Variants in BLOC1S5 observed in about 807,000 individuals in gnomAD.
BLOC1S5 encodes biogenesis of lysosomal organelles complex 1 subunit 5.
In BLOC1S5, 27 loss-of-function variants were observed where a neutral mutation model predicts 24.3. That is an observed-to-expected ratio of 1.11 (90% CI 0.82 to 1.53). BLOC1S5 has a LOEUF of 1.53. Among genes scored for constraint, BLOC1S5 ranks in the 40% most tolerant of loss-of-function variants. BLOC1S5 has a pLI of 0.00. For missense variants in BLOC1S5, 239 were observed against 229.4 expected, an observed-to-expected ratio of 1.04 and a Z score of -0.27; for synonymous variants, 84 against 74.5, an observed-to-expected ratio of 1.13 and a Z score of -0.66.
Position 8,015,631 on chromosome 6 carries a change from T to C in BLOC1S5, c.*18A>G, listed in dbSNP as rs752509434. On this transcript the variant is annotated 3_prime_UTR_variant, in exon 5 of 5. Coordinates refer to ENST00000397457, the MANE Select transcript of BLOC1S5 (RefSeq NM_201280.3). ...TGAACATCTTCTCATTAGTTTGTGA[T>C]TGTTGTGGTTCAAGTTCTTAAAAGG... 14 of 1,604,322 alleles carry C rather than the reference T, an allele frequency of 8.7e-6. No individual in the cohort carries two copies. In the African/African-American group the frequency reaches 1.1e-4, roughly 12 times the overall value.
At chr6:8,046,974 G>C (rs1763922004) in intron 2 of BLOC1S5, among the ~76,000 whole-genome samples, 2 of 151,886 alleles carry the variant, frequency 1.3e-5, no homozygotes, top group South Asian at 4.2e-4. Flanking sequence ...TGTAGAGACA[G>C]GCTCTCACTT....
intron 4 of BLOC1S5, among the ~76,000 whole-genome samples, chr6:8,023,648 C>A (rs942447982): frequency 1.3e-5 from 2 of 152,034 alleles, no homozygotes; most frequent in African/African-American, 4.8e-5. Flanking sequence ...ATTACTACTC[C>A]CATCTTTGTT....
At chr6:8,038,445 C>T (rs1022672142) in intron 3 of BLOC1S5, among the ~76,000 whole-genome samples, 1 of 152,020 alleles carries the variant, frequency 6.6e-6, no homozygotes, top group Non-Finnish European at 1.5e-5. Context: ...GCAAATCAGA[C>T]CACAATGAAA....
At chr6:8,039,364 T>C (rs1581414297) in intron 3 of BLOC1S5, among the ~76,000 whole-genome samples, 1 of 152,344 alleles carries the variant, frequency 6.6e-6, no homozygotes, top group East Asian at 1.9e-4. Context: ...AAATAAGACC[T>C]AGTATTTGAT....
At position 8,038,684 on chromosome 6, in the gene BLOC1S5, C is replaced by G. The variant is rs1307059099; in HGVS notation, c.325+2455G>C. The stretch of plus-strand genomic sequence containing the variant: ...TATTTTTAGTAGAGACAGGGTTTCA[C>G]TGTGTTAGCCAGGATGGTCTTGATC... On this transcript the variant is annotated intron_variant, in intron 3 of 4. Coordinates refer to ENST00000397457, the MANE Select transcript of BLOC1S5 (RefSeq NM_201280.3). Among the ~76,000 whole-genome samples the G allele has an allele frequency of 2.6e-5, 4 of 152,204 alleles. No individual in the cohort carries two copies. The East Asian group carries it at 7.7e-4, about 29-fold the overall frequency.
At chr6:8,034,774 G>T (rs983145986) in intron 3 of BLOC1S5, among the ~76,000 whole-genome samples, 1 of 152,068 alleles carries the variant, frequency 6.6e-6, no homozygotes. Context: ...ATTTGATCCA[G>T]CAATCCCACT....
In BLOC1S5 at chr6:8,062,616, T is replaced by G; in HGVS notation, c.113A>C (p.Asp38Ala). 1.3e-6 allele frequency: 2 copies of G among 1,583,466 alleles called. No individual in the cohort carries two copies. The highest frequency in any genetic ancestry group is 1.7e-6 in the Non-Finnish European group (2 of 1,157,984). ...AAGCCTTGAATGAATTTCTCCAAGA[T>G]CTATAAAGATAAAATGAAATTCAGG... ...TAGSAHLIIKDLGEIHSRLLD... is the reference protein window; with the variant it reads ...TAGSAHLIIKALGEIHSRLLD... Residue 38 changes from aspartate to alanine, a missense_variant and splice_region_variant, in exon 2 of 5, where the codon GAT (aspartate) becomes GCT (alanine). Physicochemically the swap from Asp to Ala is moderately radical, Grantham distance 126 (BLOSUM62 -2). Coordinates refer to ENST00000397457, the MANE Select transcript of BLOC1S5 (RefSeq NM_201280.3).
At chr6:8,047,009 C>T (rs772536551) in intron 2 of BLOC1S5, among the ~76,000 whole-genome samples, 2 of 152,000 alleles carry the variant, frequency 1.3e-5, no homozygotes, top group Non-Finnish European at 2.9e-5. Flanking sequence ...GCCTCAAACT[C>T]CTGAGCTCAA....
chr6:8,021,770 T>A (rs935100928), intron 4 of BLOC1S5, among the ~76,000 whole-genome samples: 3 of 152,114 alleles, frequency 2.0e-5, no homozygotes, highest in African/African-American at 7.2e-5. Flanking sequence ...AAAATTTAAA[T>A]CAAGTTTCAG....
intron 2 of BLOC1S5, among the ~76,000 whole-genome samples, chr6:8,056,557 G>A (rs1764315979): frequency 1.3e-5 from 2 of 152,170 alleles, no homozygotes; most frequent in South Asian, 4.1e-4. Flanking sequence ...AGAGAGTAGT[G>A]GAAACTATTT....
intron 2 of BLOC1S5, among the ~76,000 whole-genome samples, chr6:8,060,270 G>A (rs569307456): frequency 7.9e-5 from 12 of 152,288 alleles, no homozygotes; most frequent in African/African-American, 2.6e-4. Context: ...TGTAACAATC[G>A]TGATGTGTTA....
chr6:8,022,344 G>C (rs1339986474), intron 4 of BLOC1S5, among the ~76,000 whole-genome samples: 2 of 151,236 alleles, frequency 1.3e-5, no homozygotes, highest in Non-Finnish European at 2.9e-5. Context: ...CAGTGCTGAG[G>C]TTGAGAAAAC....
At chr6:8,022,584 T>TTTTC (rs1762955856) in intron 4 of BLOC1S5, among the ~76,000 whole-genome samples, 1 of 125,030 alleles carries the variant, frequency 8.0e-6, no homozygotes, top group Non-Finnish European at 1.6e-5. Context: ...TTTTTCTTTT[T>TTTTC]TTTTTTTCTT....
chr6:8,057,123 G>A (rs1016484896), intron 2 of BLOC1S5, among the ~76,000 whole-genome samples: 4 of 152,160 alleles, frequency 2.6e-5, no homozygotes, highest in Non-Finnish European at 5.9e-5. Context: ...GGAGGCTGAG[G>A]CCGGAGAATC....
At chr6:8,064,397 C>T, upstream of BLOC1S5, 4 of 1,595,178 alleles carry the variant, frequency 2.5e-6, no homozygotes, top group Non-Finnish European at 3.4e-6. Flanking sequence ...TCCGCCCACC[C>T]GCGGCCACGC....
chr6:8,024,281 T>C (rs1763032267), intron 4 of BLOC1S5, among the ~76,000 whole-genome samples: 1 of 151,918 alleles, frequency 6.6e-6, no homozygotes, highest in African/African-American at 2.4e-5. Context: ...ATCCCAGCAC[T>C]TTGGGAGGCC....
chr6:8,053,565 C>T (rs1020086768), intron 2 of BLOC1S5, among the ~76,000 whole-genome samples: 2 of 152,160 alleles, frequency 1.3e-5, no homozygotes, highest in African/African-American at 4.8e-5. Flanking sequence ...CTACTGCAAA[C>T]TTAATAGACT....
At chr6:8,031,158 G>A (rs1763282377) in intron 3 of BLOC1S5, among the ~76,000 whole-genome samples, 2 of 152,126 alleles carry the variant, frequency 1.3e-5, no homozygotes, top group African/African-American at 4.8e-5. Flanking sequence ...GAAATAAAGG[G>A]CATCCAAATC....
At chr6:8,047,412 C>T (rs1028907516) in intron 2 of BLOC1S5, among the ~76,000 whole-genome samples, 6 of 152,020 alleles carry the variant, frequency 3.9e-5, no homozygotes, top group African/African-American at 1.4e-4. Context: ...TGTCCCATCT[C>T]TCTATAAAAG....
Sources: allele counts gnomAD v4.1 joint callset (sites outside exome capture counted in the v4.1 genomes callset), GRCh38; gene constraint gnomAD v4.1.1; transcripts MANE v1.5; gene names NCBI Gene and HGNC (gene_info 2026-07-23, HGNC 2026-07-21).